FRK: variants seen among roughly 807,000 people sequenced by gnomAD.
FRK encodes the protein fyn related Src family tyrosine kinase.
In FRK, 51 loss-of-function variants were observed where a neutral mutation model predicts 56.4. The ratio of observed to expected loss-of-function variants is 0.90; its 90% confidence interval spans 0.72 to 1.14. FRK has a LOEUF of 1.14. Among genes scored for constraint, FRK ranks in the 50% most tolerant of loss-of-function variants. FRK has a pLI of 0.00. For synonymous variants in FRK, 245 were observed against 217.9 expected (o/e 1.12, Z -1.10); for missense variants, 570 against 601.4 (o/e 0.95, Z 0.55).
chr6:115,988,223 T>G (rs1040987904), intron 2 of FRK, among the ~76,000 whole-genome samples: 1 of 152,106 alleles, frequency 6.6e-6, no homozygotes, highest in African/African-American at 2.4e-5. Context: ...GCAGCTAATG[T>G]GCATATATCA....
chr6:115,989,134 A>C (rs1295018536), intron 2 of FRK, among the ~76,000 whole-genome samples: 1 of 151,904 alleles, frequency 6.6e-6, no homozygotes. Flanking sequence ...TATTATCCAT[A>C]TTGGATTTAT....
chr6:116,032,409 C>G (rs1776334846), intron 1 of FRK, among the ~76,000 whole-genome samples: 1 of 151,906 alleles, frequency 6.6e-6, no homozygotes, highest in Non-Finnish European at 1.5e-5. Context: ...CAGCCTATCC[C>G]CAACACCACG....
intron 2 of FRK, among the ~76,000 whole-genome samples, chr6:115,984,449 T>A (rs1774316626): frequency 6.6e-6 from 1 of 152,024 alleles, no homozygotes; most frequent in South Asian, 2.1e-4. Flanking sequence ...AACAGTCTGT[T>A]CAAGACCACT....
intron 5 of FRK, 106 bp from the exon 6 acceptor site, chr6:115,944,531 A>G: frequency 1.3e-6 from 1 of 783,852 alleles, no homozygotes; most frequent in Non-Finnish European, 2.0e-6. Context: ...GATTAAGTAC[A>G]ATGGCACTGA....
At chr6:115,980,417 A>T (rs1774155421) in intron 2 of FRK, among the ~76,000 whole-genome samples, 1 of 152,174 alleles carries the variant, frequency 6.6e-6, no homozygotes, top group South Asian at 2.1e-4. Flanking sequence ...ACATGAGGAT[A>T]CATCTGGCAG....
chr6:116,025,291 T>C (rs1012651183), intron 1 of FRK, among the ~76,000 whole-genome samples: 4 of 152,164 alleles, frequency 2.6e-5, no homozygotes, highest in Non-Finnish European at 4.4e-5. Flanking sequence ...AAAGTAAATA[T>C]CTAATTGGCA....
chr6:115,987,737 G>A (rs1774445380), intron 2 of FRK, among the ~76,000 whole-genome samples: 1 of 151,958 alleles, frequency 6.6e-6, no homozygotes. Flanking sequence ...ATACTTACTG[G>A]CACTTAGTAG....
chr6:116,061,993 AGAAAGAAAGAAG>A (rs1777642368), upstream of FRK, among the ~76,000 whole-genome samples: 1 of 151,888 alleles, frequency 6.6e-6, no homozygotes, highest in Admixed American at 6.6e-5. Context: ...AAGAAAGAAA[AGAAAGAAAGAAG>A]GAAAGAAAGA....
chr6:116,010,397 TAA>T (rs1775418644), intron 1 of FRK, among the ~76,000 whole-genome samples: 1 of 152,094 alleles, frequency 6.6e-6, no homozygotes, highest in South Asian at 2.1e-4. Flanking sequence ...TATAAAAAAT[TAA>T]AAGAGGTCAA....
intron 1 of FRK, among the ~76,000 whole-genome samples, chr6:116,008,311 G>T (rs553241829): frequency 6.6e-6 from 1 of 152,062 alleles, no homozygotes; most frequent in African/African-American, 2.4e-5. Flanking sequence ...TTGTATAATA[G>T]ATTGGTACAA....
intron 2 of FRK, among the ~76,000 whole-genome samples, chr6:115,987,384 C>G (rs1582683209): frequency 6.6e-6 from 1 of 152,064 alleles, no homozygotes; most frequent in Admixed American, 6.6e-5. Context: ...AACTGCAATA[C>G]TCTTAATGGG....
intron 2 of FRK, among the ~76,000 whole-genome samples, chr6:115,975,990 G>T (rs1260364248): frequency 3.9e-5 from 6 of 152,162 alleles, no homozygotes; most frequent in South Asian, 2.1e-4. Context: ...CCGGTCACCT[G>T]ATTATTTGGC....
chr6:115,989,962 G>A (rs1313692595), intron 2 of FRK, among the ~76,000 whole-genome samples: 1 of 151,712 alleles, frequency 6.6e-6, no homozygotes, highest in South Asian at 2.1e-4. Context: ...ATTTCTTGAT[G>A]TTTTAATAGT....
At chr6:116,002,685 C>T (rs1266460175) in intron 2 of FRK, 1 of 455,492 alleles carries the variant, frequency 2.2e-6, no homozygotes, top group African/African-American at 2.0e-5. Context: ...ATACTCTAAC[C>T]TCTTATCCAT....
chr6:116,095,274 T>G, the FRK span, among the ~76,000 whole-genome samples: 1 of 152,202 alleles, frequency 6.6e-6, no homozygotes, highest in East Asian at 1.9e-4. Flanking sequence ...AGGGAACTCT[T>G]TATAGAAGCA....
chr6:115,945,806 A>G (rs1308638298), intron 5 of FRK, among the ~76,000 whole-genome samples: 1 of 152,140 alleles, frequency 6.6e-6, no homozygotes, highest in East Asian at 1.9e-4. Context: ...CTCTCCAGAC[A>G]TGCACATACC....
rs138338552 is a variant in FRK at position 115,945,936 on chromosome 6, G to A, written c.959-1511C>T. Among the ~76,000 whole-genome samples the A allele has an allele frequency of 3.0e-3, 462 of 152,170 alleles. 12 individuals are homozygous for A. In the South Asian group the frequency reaches 0.036, roughly 12 times the overall value. ...GGGTCAGCATTATTTTGTGGTGACT[G>A]ACTCATTTGTATTTGTATTTGACTT... is the stretch of plus-strand genomic sequence containing the variant. On this transcript the variant is annotated intron_variant, in intron 5 of 7. Coordinates refer to ENST00000606080, the MANE Select transcript of FRK (RefSeq NM_002031.3).
chr6:116,072,287 T>C, the FRK span, among the ~76,000 whole-genome samples: 7 of 152,234 alleles, frequency 4.6e-5, no homozygotes, highest in South Asian at 1.5e-3. Flanking sequence ...AATAAATATA[T>C]GTTGAGTGAT....
At chr6:116,054,996 T>A (rs1167589501) in intron 1 of FRK, among the ~76,000 whole-genome samples, 1 of 152,162 alleles carries the variant, frequency 6.6e-6, no homozygotes, top group Non-Finnish European at 1.5e-5. Flanking sequence ...GACATTTAAG[T>A]TGAAAATGAT....
Sources: allele counts gnomAD v4.1 joint callset (sites outside exome capture counted in the v4.1 genomes callset), GRCh38; gene constraint gnomAD v4.1.1; transcripts MANE v1.5; gene names NCBI Gene and HGNC (gene_info 2026-07-23, HGNC 2026-07-21).